Variants in TBCD observed in about 807,000 individuals in gnomAD.
TBCD encodes tubulin-specific chaperone D.
In TBCD, 105 loss-of-function variants were observed where a neutral mutation model predicts 169.3. That is an observed-to-expected ratio of 0.62 (90% CI 0.53 to 0.73). TBCD has a LOEUF of 0.73. Among genes scored for constraint, TBCD ranks in the 30% least tolerant of loss-of-function variants. The pLI, the probability that TBCD is intolerant of heterozygous loss-of-function variation, is 0.00. For synonymous variants in TBCD, 700 were observed against 643.9 expected, an observed-to-expected ratio of 1.09 and a Z score of -1.32; for missense variants, 1,444 against 1,600.1, an observed-to-expected ratio of 0.90 and a Z score of 1.66.
chr17:82,865,536 G>A (rs1001842298), intron 13 of TBCD: 5 of 985,472 alleles, frequency 5.1e-6, no homozygotes, highest in East Asian at 1.1e-4. Flanking sequence ...TGTCTGTGCC[G>A]CGGGGGTACT....
chr17:82,914,204 T>G (rs961912853), intron 23 of TBCD: 3 of 152,306 alleles, frequency 2.0e-5, no homozygotes, highest in African/African-American at 7.2e-5. Context: ...TTTCGGTGTT[T>G]GGCGTCTTCA....
In TBCD at chr17:82,923,556, G is replaced by T; in HGVS notation, c.2179-96G>T. 5 of 1,010,714 alleles carry T rather than the reference G, an allele frequency of 4.9e-6. No homozygotes were observed. In the South Asian group the frequency reaches 7.0e-5, roughly 14 times the overall value. 62.6% of individuals were successfully genotyped at this position (1,010,714 alleles called of 1,614,324 possible). A position where few individuals can be genotyped will look rare whatever the true frequency, so the allele number is the denominator to read the frequency against. On this transcript the variant is annotated intron_variant, in intron 25 of 38. Transcript: ENST00000355528. This position sits in a 1 kb window ranked among gnomAD's most constrained non-coding sequence, Gnocchi z 4.6. ...AGGGTGACCACGGTGTCCCTGGTCA[G>T]GTGCTTCTCCGACTTCAGAGTGACC...
chr17:82,925,646 T>C (rs1219188916), intron 27 of TBCD, among the ~76,000 whole-genome samples: 1 of 152,174 alleles, frequency 6.6e-6, no homozygotes, highest in Admixed American at 6.5e-5. Context: ...CACTTCAGGA[T>C]CTGCAGCTCC....
chr17:82,856,653 T>C (rs1446091050), intron 13 of TBCD, among the ~76,000 whole-genome samples: 1 of 152,234 alleles, frequency 6.6e-6, no homozygotes, highest in Non-Finnish European at 1.5e-5. Context: ...AGAATGCTTC[T>C]GTGAACGTTT....
intron 13 of TBCD, among the ~76,000 whole-genome samples, chr17:82,836,936 G>C (rs773842662): frequency 1.3e-5 from 2 of 152,268 alleles, no homozygotes; most frequent in Non-Finnish European, 2.9e-5. Flanking sequence ...GGAAGCCCCT[G>C]GTGGTGAGAG....
At chr17:82,914,721 T>C (rs1233881204) in intron 23 of TBCD, among the ~76,000 whole-genome samples, 1 of 150,252 alleles carries the variant, frequency 6.7e-6, no homozygotes, top group Non-Finnish European at 1.5e-5. Flanking sequence ...CCATGGCCTT[T>C]GCTGGCCCCA....
At chr17:82,928,680 C>T (rs1360761066) in intron 30 of TBCD, among the ~76,000 whole-genome samples, 1 of 152,084 alleles carries the variant, frequency 6.6e-6, no homozygotes, top group Non-Finnish European at 1.5e-5. Flanking sequence ...GGCCTGATTT[C>T]CTTAGTTCTC....
At chr17:82,820,501 C>G (rs566497494) in intron 13 of TBCD, among the ~76,000 whole-genome samples, 2 of 151,354 alleles carry the variant, frequency 1.3e-5, no homozygotes, top group South Asian at 4.2e-4. Context: ...TGTGTAGATT[C>G]ATGTCTTTCA....
chr17:82,781,318 G>T (rs1431666592), intron 6 of TBCD, among the ~76,000 whole-genome samples: 1 of 149,088 alleles, frequency 6.7e-6, no homozygotes, highest in South Asian at 2.1e-4. Context: ...GGGGGCAGGC[G>T]GGGGGGGATG....
intron 13 of TBCD, among the ~76,000 whole-genome samples, chr17:82,845,705 A>C (rs142509145): frequency 1.3e-5 from 2 of 152,176 alleles, no homozygotes; most frequent in African/African-American, 4.8e-5. Context: ...GCTGGGACTC[A>C]AGTCTTGGCT....
chr17:82,918,899 A>G (rs1014870595), intron 23 of TBCD: 1 of 152,256 alleles, frequency 6.6e-6, no homozygotes, highest in Non-Finnish European at 1.5e-5. Context: ...CGCTGGGACA[A>G]AGGCGTGTCA....
chr17:82,923,639 G>C lies in TBCD; in HGVS notation c.2179-13G>C. The C allele has an allele frequency of 6.4e-7, 1 of 1,563,226 alleles. No individual in the cohort carries two copies. Among genetic ancestry groups the C allele is most frequent in the Non-Finnish European group, 8.7e-7 (1 of 1,153,142 alleles). ...AGAGCTGCTGTGCGCTCACCGTGCT[G>C]CCTTTGTTTTAGGATGCAGCAGTCT... On this transcript the variant is annotated splice_polypyrimidine_tract_variant and intron_variant, in intron 25 of 38. Coordinates refer to ENST00000355528, the MANE Select transcript of TBCD (RefSeq NM_005993.5). This position sits in a 1 kb window ranked among gnomAD's most constrained non-coding sequence, Gnocchi z 4.6.
chr17:82,764,109 T>C, intron 3 of TBCD, 47 bp downstream of exon 3: 1 of 1,448,756 alleles, frequency 6.9e-7, no homozygotes, highest in South Asian at 1.2e-5. Flanking sequence ...TTTTGTAATA[T>C]ACTTGGTCCA....
chr17:82,800,249 C>T (rs907833760), intron 8 of TBCD, among the ~76,000 whole-genome samples: 11 of 152,162 alleles, frequency 7.2e-5, no homozygotes, highest in Non-Finnish European at 1.3e-4. Flanking sequence ...AGCTTGCCCT[C>T]GTCGCAGCAC....
chr17:82,791,594 C>CT (rs2049734667), intron 7 of TBCD, among the ~76,000 whole-genome samples: 1 of 152,186 alleles, frequency 6.6e-6, no homozygotes, highest in Non-Finnish European at 1.5e-5. Context: ...CAAAGATGGG[C>CT]TGTGCAGAAT....
chr17:82,807,650 G>A lies in TBCD; in HGVS notation c.1130G>A (p.Arg377Gln), dbSNP rs764085684. ...VGLKDKDTVV[R>Q]WSAAKGIGRM... ...CTGAAGGACAAGGACACGGTCGTGC[G>A]GTGGTCTGCAGCCAAGGGGTAGGTG... The change falls in exon 11 of 39, where the codon CGG (arginine) becomes CAG (glutamine). Residue 377 changes from arginine (R) to glutamine (Q), a missense_variant. Transcript: ENST00000355528. 6 of 1,551,954 alleles carry A rather than the reference G, an allele frequency of 3.9e-6. No individual in the cohort carries two copies. Among genetic ancestry groups the A allele is most frequent in the Admixed American group, 1.9e-5 (1 of 51,976 alleles).
intron 7 of TBCD, chr17:82,795,709 C>T (rs1037244966): frequency 8.7e-6 from 6 of 688,618 alleles, no homozygotes; most frequent in East Asian, 1.3e-4. Flanking sequence ...TCTGTGGCCT[C>T]GCAGGGTGGG....
At chr17:82,829,966 A>T in intron 13 of TBCD, 1 of 1,043,950 alleles carries the variant, frequency 9.6e-7, no homozygotes, top group Non-Finnish European at 1.4e-6. Context: ...ATTCATGCTT[A>T]ATATTTATAA....
chr17:82,809,639 C>G (rs1362581731), intron 11 of TBCD, 69 bp from the exon 12 acceptor site: 2 of 1,511,862 alleles, frequency 1.3e-6, no homozygotes, highest in Non-Finnish European at 1.8e-6. Flanking sequence ...AGGCCATTCA[C>G]ACGTGTCACG....
Sources: allele counts gnomAD v4.1 joint callset (sites outside exome capture counted in the v4.1 genomes callset), GRCh38; gene constraint gnomAD v4.1.1; non-coding constraint Gnocchi (gnomAD v3.1); transcripts MANE v1.5; gene names NCBI Gene and HGNC (gene_info 2026-07-23, HGNC 2026-07-21).